Variants in PSD3 observed in about 807,000 individuals in gnomAD.
PSD3 encodes the protein pleckstrin and Sec7 domain containing 3.
Under a neutral mutation model 105.5 loss-of-function variants are expected in PSD3, and 49 were observed. That is an observed-to-expected ratio of 0.46 (90% confidence interval 0.37 to 0.59). The LOEUF is 0.59. Among genes scored for constraint, PSD3 ranks in the 20% least tolerant of loss-of-function variants. The pLI is 0.00. For missense variants in PSD3, 1,561 were observed against 1,263.8 expected (o/e 1.24, Z -3.57); for synonymous variants, 557 against 457.8 (o/e 1.22, Z -2.77).
chr8:18,966,205 A>G (rs998760582), intron 1 of PSD3, among the ~76,000 whole-genome samples: 12 of 152,168 alleles, frequency 7.9e-5, no homozygotes, highest in Non-Finnish European at 1.5e-5. Context: ...GCTGTATACC[A>G]CATACATTCC....
At chr8:18,539,309 C>T (rs1386037685) in intron 15 of PSD3, among the ~76,000 whole-genome samples, 2 of 152,278 alleles carry the variant, frequency 1.3e-5, no homozygotes, top group East Asian at 3.9e-4. Context: ...GGGCAAGAAA[C>T]ATAACTGAAA....
chr8:18,771,343 A>G (rs992715901), intron 8 of PSD3, among the ~76,000 whole-genome samples: 1 of 152,184 alleles, frequency 6.6e-6, no homozygotes, highest in Non-Finnish European at 1.5e-5. Context: ...ATCACTTTGA[A>G]GCACAAAAGG....
At position 18,535,594 on chromosome 8, in the gene PSD3, A is replaced by C; in HGVS notation, c.*149T>G. 1 of 705,170 alleles carries C rather than the reference A, an allele frequency of 1.4e-6. No homozygotes were observed. Among genetic ancestry groups the C allele is most frequent in the Non-Finnish European group, 2.3e-6 (1 of 427,692 alleles). 43.7% of individuals were successfully genotyped at this position (705,170 alleles called of 1,614,324 possible). On this transcript the variant is annotated 3_prime_UTR_variant, in exon 16 of 16. Coordinates refer to ENST00000327040, the MANE Select transcript of PSD3 (RefSeq NM_015310.4). ...TCAAGAGCAAAGACAATCTGTACAG[A>C]AACTAACAAAAATATACAATAGAAA... is the stretch of plus-strand genomic sequence containing the variant.
At chr8:18,821,738 T>A (rs1020255521) in intron 4 of PSD3, among the ~76,000 whole-genome samples, 3 of 89,502 alleles carry the variant, frequency 3.4e-5, no homozygotes, top group Non-Finnish European at 6.7e-5. Flanking sequence ...AAAGCTCCAA[T>A]TCCAGGTGGC....
intron 4 of PSD3, among the ~76,000 whole-genome samples, chr8:18,836,195 C>T (rs533830268): frequency 1.3e-4 from 20 of 152,184 alleles, no homozygotes; most frequent in Admixed American, 9.2e-4. Flanking sequence ...TCAAAGTAAC[C>T]GTAACCCTGA....
At chr8:18,727,334 C>CA (rs11300334) in intron 9 of PSD3, among the ~76,000 whole-genome samples, 6,231 of 55,714 alleles carry the variant, frequency 0.11, 537 homozygotes, top group East Asian at 0.16. Flanking sequence ...GACTGTGTCT[C>CA]AAAAAAAAAA....
At chr8:18,983,553 T>C (rs1427005941) in intron 1 of PSD3, among the ~76,000 whole-genome samples, 1 of 152,200 alleles carries the variant, frequency 6.6e-6, no homozygotes, top group African/African-American at 2.4e-5. Context: ...TATATAGTTA[T>C]GAATTGGATT....
chr8:18,796,047 C>T (rs1293512450), intron 8 of PSD3, among the ~76,000 whole-genome samples: 2 of 152,002 alleles, frequency 1.3e-5, no homozygotes, highest in Non-Finnish European at 2.9e-5. Context: ...CACACGACTA[C>T]AATTATAAAA....
rs200997907 is a variant in PSD3, at chr8:18,779,526, GC to G, written c.2083-13989del. On this transcript the variant is annotated intron_variant, in intron 8 of 15. Transcript: ENST00000327040. ...TCTTGCTTTTCTAGTTCCTTGAGGTGCATCAATAGGTTCTTTAAAATCTTTC... is the reference window on the plus strand; with the variant it reads ...TCTTGCTTTTCTAGTTCCTTGAGGTGATCAATAGGTTCTTTAAAATCTTTC... Among the ~76,000 whole-genome samples, 717 of 152,052 alleles carry G rather than the reference GC, an allele frequency of 4.7e-3. 21 individuals carry two copies. Among genetic ancestry groups the G allele is most frequent in the Admixed American group, 0.035 (532 of 15,276 alleles).
chr8:18,844,758 C>T (rs1163763067), intron 4 of PSD3, among the ~76,000 whole-genome samples: 1 of 152,244 alleles, frequency 6.6e-6, no homozygotes, highest in Non-Finnish European at 1.5e-5. Flanking sequence ...AGACTGTTCA[C>T]TTAGCAGGGC....
chr8:18,642,648 C>A (rs545292245), intron 10 of PSD3, among the ~76,000 whole-genome samples: 38 of 152,148 alleles, frequency 2.5e-4, no homozygotes, highest in Admixed American at 4.6e-4. Context: ...CATCTGCTCA[C>A]CAACCTGTCT....
intron 9 of PSD3, among the ~76,000 whole-genome samples, chr8:18,708,001 C>A (rs866961744): frequency 6.6e-6 from 1 of 152,122 alleles, no homozygotes; most frequent in African/African-American, 2.4e-5. Flanking sequence ...TGCTCTTGTA[C>A]CAGGTAATAA....
At chr8:18,965,695 G>A (rs992600109) in intron 1 of PSD3, among the ~76,000 whole-genome samples, 3 of 152,226 alleles carry the variant, frequency 2.0e-5, no homozygotes, top group African/African-American at 7.2e-5. Flanking sequence ...GGTCAAGCTT[G>A]CAAGATTCTG....
chr8:18,694,683 T>G lies in PSD3; in HGVS notation c.2173-38998A>C, dbSNP rs544055163. On this transcript the variant is annotated intron_variant, in intron 9 of 15. Coordinates refer to ENST00000327040, the MANE Select transcript of PSD3 (RefSeq NM_015310.4). ...TCACTTCTTAAATAATAAATTAAAA[T>G]TATTCTGATAGGCTGGGTGCAGTGG... 1.6e-4 allele frequency among the ~76,000 whole-genome samples: 25 copies of G among 151,892 alleles called. No homozygotes were observed. The South Asian group carries it at 5.2e-3, about 32-fold the overall frequency.
chr8:18,828,436 A>AAGCTTGAGTGAG (rs1813405389), intron 4 of PSD3, among the ~76,000 whole-genome samples: 1 of 152,178 alleles, frequency 6.6e-6, no homozygotes, highest in Non-Finnish European at 1.5e-5. Flanking sequence ...TCAAGCTTCG[A>AAGCTTGAGTGAG]TACAAGAAAG....
rs529253016 is a variant in PSD3, at chr8:18,902,071, C to A, written c.131-29338G>T. On this transcript the variant is annotated intron_variant, in intron 2 of 15. Coordinates refer to ENST00000327040, the MANE Select transcript of PSD3 (RefSeq NM_015310.4). Reference sequence around the variant, plus strand: ...AATTTATTTGGAGACTTTTGAGATTCCTGGCTCTAGATGTCCATATCTCTC... The same window carrying A: ...AATTTATTTGGAGACTTTTGAGATTACTGGCTCTAGATGTCCATATCTCTC... Among the ~76,000 whole-genome samples, 8 of 152,314 alleles carry A rather than the reference C, an allele frequency of 5.3e-5. No individual in the cohort carries two copies. In the South Asian group the frequency reaches 1.7e-3, roughly 32 times the overall value.
intron 2 of PSD3, among the ~76,000 whole-genome samples, chr8:18,877,226 A>G (rs898013013): frequency 5.3e-5 from 8 of 152,180 alleles, no homozygotes; most frequent in Non-Finnish European, 8.8e-5. Context: ...TATCATATGT[A>G]GCAAATCATT....
chr8:18,781,029 A>C (rs1808574369), intron 8 of PSD3, among the ~76,000 whole-genome samples: 1 of 152,076 alleles, frequency 6.6e-6, no homozygotes, highest in South Asian at 2.1e-4. Context: ...CCCAGGTATA[A>C]TATTTTTGGC....
intron 13 of PSD3, among the ~76,000 whole-genome samples, chr8:18,574,452 T>G (rs1472443598): frequency 1.3e-5 from 2 of 152,174 alleles, no homozygotes; most frequent in Non-Finnish European, 2.9e-5. Flanking sequence ...TGGGTCCCTG[T>G]GTGATGTTAA....
Sources: allele counts gnomAD v4.1 joint callset (sites outside exome capture counted in the v4.1 genomes callset), GRCh38; gene constraint gnomAD v4.1.1; transcripts MANE v1.5; gene names NCBI Gene and HGNC (gene_info 2026-07-23, HGNC 2026-07-21).